Variants in CNTN4 observed in about 807,000 individuals in gnomAD.
CNTN4 encodes the protein contactin 4.
In CNTN4, 77 loss-of-function variants were observed where a neutral mutation model predicts 122.5. The ratio of observed to expected loss-of-function variants is 0.63; its 90% confidence interval spans 0.52 to 0.76. CNTN4 has a LOEUF of 0.76. Ranked by LOEUF, CNTN4 falls within the 30% of genes least tolerant of loss-of-function variation. CNTN4 has a pLI of 0.00. For synonymous variants in CNTN4, 512 were observed against 447.0 expected (o/e 1.15, Z -1.83); for missense variants, 1,256 against 1,259.1 (o/e 1.00, Z 0.04).
chr3:2,984,203 A>T, intron 13 of CNTN4, among the ~76,000 whole-genome samples: 1 of 115,328 alleles, frequency 8.7e-6, no homozygotes, highest in East Asian at 2.5e-4. Flanking sequence ...TGCAATGCAG[A>T]TACCAAAAGC....
At chr3:2,837,003 G>T (rs758433751) in intron 7 of CNTN4, among the ~76,000 whole-genome samples, 1 of 152,010 alleles carries the variant, frequency 6.6e-6, no homozygotes, top group Non-Finnish European at 1.5e-5. Flanking sequence ...ATGAAACAAG[G>T]TTTATAATTA....
intron 6 of CNTN4, among the ~76,000 whole-genome samples, chr3:2,810,685 A>G (rs1400843209): frequency 6.6e-6 from 1 of 152,364 alleles, no homozygotes; most frequent in African/African-American, 2.4e-5. Context: ...TGAAGACTCC[A>G]TACTGCTCTT....
At chr3:2,700,692 A>C (rs1334502309) in intron 4 of CNTN4, among the ~76,000 whole-genome samples, 2 of 152,104 alleles carry the variant, frequency 1.3e-5, no homozygotes, top group Non-Finnish European at 2.9e-5. Flanking sequence ...TATATGGATC[A>C]ATTCCAAGAG....
At chr3:2,153,965 G>T (rs1002998970) in intron 2 of CNTN4, among the ~76,000 whole-genome samples, 1 of 152,144 alleles carries the variant, frequency 6.6e-6, no homozygotes, top group Non-Finnish European at 1.5e-5. Context: ...ATTATGTTTT[G>T]TAACTTCTCT....
At chr3:3,007,987 G>A (rs1696822078) in intron 14 of CNTN4, among the ~76,000 whole-genome samples, 1 of 152,136 alleles carries the variant, frequency 6.6e-6, no homozygotes, top group Admixed American at 6.5e-5. Context: ...GAGTAACTGG[G>A]ACATTTGGGA....
chr3:2,891,196 G>C (rs1384954856), intron 10 of CNTN4, among the ~76,000 whole-genome samples: 1 of 152,152 alleles, frequency 6.6e-6, no homozygotes, highest in Non-Finnish European at 1.5e-5. Context: ...AGGTGCAGTG[G>C]CTTATGCCTG....
At chr3:2,403,009 C>G (rs1260699278) in intron 3 of CNTN4, among the ~76,000 whole-genome samples, 1 of 152,050 alleles carries the variant, frequency 6.6e-6, no homozygotes, top group East Asian at 1.9e-4. Context: ...AGTCAGAGAT[C>G]AAGGTGTCGG....
At chr3:2,644,305 C>T (rs2083022923) in intron 4 of CNTN4, among the ~76,000 whole-genome samples, 1 of 152,192 alleles carries the variant, frequency 6.6e-6, no homozygotes, top group South Asian at 2.1e-4. Context: ...TCTAGTGACA[C>T]TTGCTCTCAT....
intron 13 of CNTN4, among the ~76,000 whole-genome samples, chr3:2,939,658 T>G (rs2094596053): frequency 6.6e-6 from 1 of 152,194 alleles, no homozygotes. Context: ...CCAAGCAAGA[T>G]CACTTACCCA....
chr3:2,496,813 A>G (rs1272616157), intron 3 of CNTN4, among the ~76,000 whole-genome samples: 2 of 152,152 alleles, frequency 1.3e-5, no homozygotes, highest in South Asian at 2.1e-4. Context: ...AACAGACCCA[A>G]TATATTAAGA....
At chr3:2,262,351 G>C (rs1044253837) in intron 2 of CNTN4, 1 of 151,622 alleles carries the variant, frequency 6.6e-6, no homozygotes, top group Non-Finnish European at 1.5e-5. Flanking sequence ...TGCAGACTTC[G>C]CTAACTGATG....
At chr3:2,989,771 T>G (rs1698540618) in intron 14 of CNTN4, among the ~76,000 whole-genome samples, 1 of 152,198 alleles carries the variant, frequency 6.6e-6, no homozygotes, top group South Asian at 2.1e-4. Flanking sequence ...AGATAATATT[T>G]GTAAAGTGCA....
chr3:2,748,230 G>C (rs1294981940), intron 6 of CNTN4, among the ~76,000 whole-genome samples: 1 of 152,118 alleles, frequency 6.6e-6, no homozygotes, highest in Non-Finnish European at 1.5e-5. Context: ...GCCCCAGATT[G>C]CAACTTTATT....
chr3:2,521,762 T>A (rs569522502), intron 3 of CNTN4, among the ~76,000 whole-genome samples: 1 of 152,242 alleles, frequency 6.6e-6, no homozygotes, highest in African/African-American at 2.4e-5. Flanking sequence ...CTTTGGTAAC[T>A]CAGAAGCTTA....
At chr3:2,290,776 T>C (rs2042104751) in intron 2 of CNTN4, among the ~76,000 whole-genome samples, 1 of 152,182 alleles carries the variant, frequency 6.6e-6, no homozygotes, top group Admixed American at 6.5e-5. Context: ...CTTTGGATGC[T>C]AACTAGAGAT....
At chr3:2,457,284 C>T (rs938649527) in intron 3 of CNTN4, among the ~76,000 whole-genome samples, 1 of 152,036 alleles carries the variant, frequency 6.6e-6, no homozygotes, top group African/African-American at 2.4e-5. Context: ...CCATCATTGC[C>T]ATTGTTGATA....
intron 23 of CNTN4, among the ~76,000 whole-genome samples, chr3:3,049,724 G>C (rs542154659): frequency 6.6e-6 from 1 of 152,312 alleles, no homozygotes; most frequent in African/African-American, 2.4e-5. Flanking sequence ...GATTTCAGTT[G>C]GGCCTTGGCA....
chr3:2,198,800 A>G (rs1424140954), intron 2 of CNTN4, among the ~76,000 whole-genome samples: 2 of 152,116 alleles, frequency 1.3e-5, no homozygotes, highest in Admixed American at 1.3e-4. Flanking sequence ...TCATTTAGTC[A>G]TTATTGTCAC....
intron 2 of CNTN4, among the ~76,000 whole-genome samples, chr3:2,148,799 GA>G (rs1342363278): frequency 6.6e-6 from 1 of 150,548 alleles, no homozygotes; most frequent in Non-Finnish European, 1.5e-5. Context: ...ATTGTATTAT[GA>G]TGTGTTAATA....
Sources: allele counts gnomAD v4.1 joint callset (sites outside exome capture counted in the v4.1 genomes callset), GRCh38; gene constraint gnomAD v4.1.1; transcripts MANE v1.5; gene names NCBI Gene and HGNC (gene_info 2026-07-23, HGNC 2026-07-21).